Variants in SLC4A5 observed in about 807,000 individuals in gnomAD.
SLC4A5 encodes solute carrier family 4 member 5, also known as electrogenic sodium bicarbonate cotransporter 4.
In SLC4A5, 96 loss-of-function variants were observed where a neutral mutation model predicts 120.4. The observed-to-expected ratio is 0.80, with a 90% confidence interval of 0.68 to 0.94. The LOEUF (loss-of-function observed/expected upper bound fraction) is 0.94. Among genes scored for constraint, SLC4A5 ranks in the 40% least tolerant of loss-of-function variants. SLC4A5 has a pLI of 0.00. For missense variants in SLC4A5, 1,259 were observed against 1,459.5 expected (o/e 0.86, Z 2.24); for synonymous variants, 550 against 571.1 (o/e 0.96, Z 0.53).
Position 74,252,252 on chromosome 2 carries a change from C to T in SLC4A5, c.1405G>A (p.Gly469Arg), listed in dbSNP as rs142491962. 965 of 1,606,136 alleles carry T rather than the reference C, an allele frequency of 6.0e-4. 12 individuals carry two copies. In the South Asian group the frequency reaches 6.5e-3, roughly 11 times the overall value. ...TCTCCATCATCCCCGCTGCTTGTTCCGCCGGCCCCGCCACTGCCAGCCCCG... is the reference window on the plus strand; with the variant it reads ...TCTCCATCATCCCCGCTGCTTGTTCTGCCGGCCCCGCCACTGCCAGCCCCG... The change falls in exon 16 of 31, where the codon GGA (glycine) becomes AGA (arginine). Residue 469 changes from glycine to arginine, a missense_variant. Transcript: ENST00000394019.
Position 74,252,965 on chromosome 2 carries a change from C to T in SLC4A5, c.1268+9G>A. Reference sequence around the variant, plus strand: ...TTTTTCTCTCCCTACTGCCCATTCTCATACACACCTCTTGTCAGCAGAGGG... The same window carrying T: ...TTTTTCTCTCCCTACTGCCCATTCTTATACACACCTCTTGTCAGCAGAGGG... On this transcript the variant is annotated intron_variant, in intron 15 of 30. Transcript: ENST00000394019. 40 of 1,614,162 alleles carry T rather than the reference C, an allele frequency of 2.5e-5. No homozygotes were observed. The highest frequency in any genetic ancestry group is 3.3e-5 in the Non-Finnish European group (39 of 1,180,012).
At chr2:74,236,328 G>A (rs1670268116) in intron 21 of SLC4A5, among the ~76,000 whole-genome samples, 2 of 152,044 alleles carry the variant, frequency 1.3e-5, no homozygotes. Flanking sequence ...TTAATTTTAA[G>A]CTCCTATGGG....
At chr2:74,234,567 C>T (rs911416286) in intron 22 of SLC4A5, among the ~76,000 whole-genome samples, 3 of 152,200 alleles carry the variant, frequency 2.0e-5, no homozygotes, top group Non-Finnish European at 2.9e-5. Context: ...AGCAGTGGTT[C>T]TCAAACTTGA....
intron 7 of SLC4A5, among the ~76,000 whole-genome samples, chr2:74,300,209 G>A (rs1672437477): frequency 6.6e-6 from 1 of 152,242 alleles, no homozygotes; most frequent in East Asian, 1.9e-4. Context: ...GGGGTCGGAT[G>A]TGGAAGATGG....
chr2:74,342,387 C>G (rs1452120877), intron 2 of SLC4A5, 71 bp downstream of exon 2: 3 of 152,172 alleles, frequency 2.0e-5, no homozygotes, highest in African/African-American at 7.2e-5. Context: ...CTGAGTGCCA[C>G]CAATGGTGTG....
In SLC4A5 at chr2:74,255,974, C is replaced by A. The variant is rs753757882; in HGVS notation, c.868-42G>T. 3.7e-6 allele frequency: 6 copies of A among 1,603,344 alleles called. No homozygotes were observed. Among genetic ancestry groups the A allele is most frequent in the African/African-American group, 1.3e-5 (1 of 74,762 alleles). On this transcript the variant is annotated intron_variant, in intron 12 of 30. Coordinates refer to ENST00000394019, the Ensembl canonical transcript of SLC4A5. The surrounding 1 kb of genome is among the most constrained non-coding windows in gnomAD (Gnocchi z 4.0). ...AACGAGATAGCCAAGGAGACTCCCA[C>A]CTGCTCTCACTCCCTCACTCCCCTT...
At chr2:74,339,908 A>T (rs964534914) in intron 2 of SLC4A5, among the ~76,000 whole-genome samples, 1 of 152,264 alleles carries the variant, frequency 6.6e-6, no homozygotes, top group Non-Finnish European at 1.5e-5. Flanking sequence ...GAACTTAAGG[A>T]CATCACGCTA....
intron 8 of SLC4A5, among the ~76,000 whole-genome samples, chr2:74,284,224 C>T (rs1265336652): frequency 1.8e-5 from 2 of 110,128 alleles, no homozygotes; most frequent in Non-Finnish European, 3.2e-5. Context: ...GGTCGGACTG[C>T]GGACTGCAGT....
chr2:74,224,967 A>G, exon 28 of SLC4A5: 1 of 1,614,134 alleles, frequency 6.2e-7, no homozygotes, highest in Non-Finnish European at 8.5e-7. Flanking sequence ...GAAATCCAGA[A>G]GCCTTCGAAC....
chr2:74,283,018 T>G (rs538082212), intron 8 of SLC4A5, among the ~76,000 whole-genome samples: 2 of 152,300 alleles, frequency 1.3e-5, no homozygotes, highest in African/African-American at 4.8e-5. Context: ...CCTGTCAATC[T>G]TGGATAGGCA....
rs756185948 is a variant in SLC4A5 at position 74,264,277 on chromosome 2, A to T, written c.585T>A (p.Ile195=). 55 of 1,613,976 alleles carry T rather than the reference A, an allele frequency of 3.4e-5. No homozygotes were observed. The East Asian group carries it at 4.5e-4, about 13-fold the overall frequency. ...GCTCTGGCCGCAGGAGACCATCCTC[A>T]ATCTGCTTCTCAATGACATCATCTG... The change falls in exon 10 of 31, where the codon ATT becomes ATA. Residue 195 remains isoleucine (I), a synonymous_variant. Transcript: ENST00000394019.
At chr2:74,236,113 C>T (rs2103929335) in intron 21 of SLC4A5, among the ~76,000 whole-genome samples, 1 of 152,288 alleles carries the variant, frequency 6.6e-6, no homozygotes, top group Admixed American at 6.5e-5. Context: ...CCCACCTCCC[C>T]TTTTCTCAAT....
intron 19 of SLC4A5, among the ~76,000 whole-genome samples, chr2:74,244,397 C>G (rs760885191): frequency 2.7e-5 from 4 of 147,282 alleles, no homozygotes; most frequent in Non-Finnish European, 6.0e-5. Context: ...TTCCCTCACT[C>G]CCTCCCCCCT....
intron 3 of SLC4A5, among the ~76,000 whole-genome samples, chr2:74,338,003 G>A: frequency 6.6e-6 from 1 of 152,186 alleles, no homozygotes; most frequent in East Asian, 1.9e-4. Flanking sequence ...AGCCTCTGGA[G>A]GGCAGAGAAC....
intron 7 of SLC4A5, among the ~76,000 whole-genome samples, chr2:74,286,582 T>G (rs369197430): frequency 1.3e-5 from 2 of 152,228 alleles, no homozygotes; most frequent in South Asian, 2.1e-4. Context: ...ACCTACTATG[T>G]GCCAAATAAA....
At chr2:74,316,478 C>T (rs190464213) in intron 5 of SLC4A5, among the ~76,000 whole-genome samples, 1 of 152,240 alleles carries the variant, frequency 6.6e-6, no homozygotes, top group Admixed American at 6.5e-5. Flanking sequence ...GTCAGACACA[C>T]CTGGTTATAT....
intron 7 of SLC4A5, among the ~76,000 whole-genome samples, chr2:74,296,045 G>A (rs972634701): frequency 6.6e-6 from 1 of 152,194 alleles, no homozygotes; most frequent in Non-Finnish European, 1.5e-5. Context: ...TGGTTCACTT[G>A]CAAATTCAGG....
chr2:74,296,078 G>T (rs1288550079), intron 7 of SLC4A5, among the ~76,000 whole-genome samples: 1 of 152,118 alleles, frequency 6.6e-6, no homozygotes, highest in Non-Finnish European at 1.5e-5. Flanking sequence ...TTCCCCTTAA[G>T]GTCTTAAGGT....
chr2:74,328,304 A>G (rs1573108954), intron 4 of SLC4A5, 118 bp from the exon 5 acceptor site: 1 of 460,406 alleles, frequency 2.2e-6, no homozygotes, highest in Non-Finnish European at 2.9e-6. Flanking sequence ...GGGGGGAGGG[A>G]CGCTCCTGCA....
Sources: gnomAD v4.1 joint callset for allele counts (sites outside exome capture counted in the v4.1 genomes callset) on GRCh38, gnomAD v4.1.1 for gene constraint, Gnocchi (gnomAD v3.1) non-coding constraint, MANE v1.5 for transcripts, NCBI Gene and HGNC (gene_info 2026-07-23, HGNC 2026-07-21) for gene names.